The following TTC5 variants were observed in gnomAD, a reference collection of about 807,000 sequenced individuals.
TTC5 encodes the protein tetratricopeptide repeat domain 5.
A neutral mutation model predicts 57.4 loss-of-function variants in TTC5; 46 were observed. That is an observed-to-expected ratio of 0.80 (90% CI 0.63 to 1.03). The LOEUF (loss-of-function observed/expected upper bound fraction) is 1.03. Among genes scored for constraint, TTC5 ranks in the 50% least tolerant of loss-of-function variants. The pLI is 0.00. For missense variants in TTC5, 504 were observed against 528.1 expected, an observed-to-expected ratio of 0.95 and a Z score of 0.45; for synonymous variants, 190 against 203.5, an observed-to-expected ratio of 0.93 and a Z score of 0.57.
chr14:20,295,315 G>A lies in TTC5; in HGVS notation c.1055C>T (p.Pro352Leu), dbSNP rs956525845. 2.5e-6 allele frequency: 4 copies of A among 1,614,030 alleles called. No homozygotes were observed. The highest frequency in any genetic ancestry group is 3.4e-6 in the Non-Finnish European group (4 of 1,179,922). ...GGGAAATCCAAGAGAAACTCACAAG[G>A]GGACTTTCTCCTCTGTGGTGAGGCT... Reference protein sequence around the residue: ...VFSLTTEEKVPFTFGLVDSDG... With the variant: ...VFSLTTEEKVLFTFGLVDSDG... Residue 352 changes from proline to leucine, a missense_variant, in exon 8 of 10, where the codon CCC (proline) becomes CTC (leucine). Coordinates refer to ENST00000258821, the MANE Select transcript of TTC5 (RefSeq NM_138376.3).
In TTC5 at chr14:20,287,899, C is replaced by G. The variant is rs1881870863; in HGVS notation, c.*1728G>C. ...TGACTCTAGGCCTCAAAATGACACC[C>G]AAAACTAATTTAAGACTCCATATGT... is the stretch of plus-strand genomic sequence containing the variant. On this transcript the variant is annotated 3_prime_UTR_variant, in exon 10 of 10. Transcript: ENST00000258821. The G allele has an allele frequency of 6.6e-6, 1 of 152,134 alleles. No individual in the cohort carries two copies. The highest frequency in any genetic ancestry group is 6.5e-5 in the Admixed American group (1 of 15,276). 9.4% of individuals were successfully genotyped at this position (152,134 alleles called of 1,614,324 possible). A position where few individuals can be genotyped will look rare whatever the true frequency, so the allele number is the denominator to read the frequency against.
Position 20,295,433 on chromosome 14 carries a change from A to C in TTC5, c.937T>G (p.Ser313Ala). 6.2e-7 allele frequency: 1 copy of C among 1,614,190 alleles called. No individual in the cohort carries two copies. The highest frequency in any genetic ancestry group is 8.5e-7 in the Non-Finnish European group (1 of 1,180,028). Reference protein sequence around the residue: ...PCSDGHYQSASGQKVTLELKP... With the variant: ...PCSDGHYQSAAGQKVTLELKP... ...AGCTCCAGGGTCACTTTCTGCCCAG[A>C]GGCTGACTGATAGTGCCCATCACTG... The change falls in exon 8 of 10, where the codon TCT becomes GCT. Residue 313 changes from serine to alanine, a missense_variant. By Grantham distance (99) the Ser-to-Ala change is moderately conservative (BLOSUM62 1). Coordinates refer to ENST00000258821, the MANE Select transcript of TTC5 (RefSeq NM_138376.3).
At chr14:20,304,900 AT>A (rs1459482414) in intron 1 of TTC5, among the ~76,000 whole-genome samples, 2 of 152,210 alleles carry the variant, frequency 1.3e-5, no homozygotes, top group East Asian at 3.8e-4. Context: ...TAAAATTCAA[AT>A]AGATACATGT....
At chr14:20,304,879 A>G (rs1429568571) in intron 1 of TTC5, among the ~76,000 whole-genome samples, 1 of 152,236 alleles carries the variant, frequency 6.6e-6, no homozygotes, top group African/African-American at 2.4e-5. Context: ...AAATCAATAC[A>G]TGTAAGTTGT....
chr14:20,289,422 A>T lies in TTC5; in HGVS notation c.*205T>A. The T allele has an allele frequency of 2.2e-6, 1 of 448,102 alleles. No homozygotes were observed. Among genetic ancestry groups the T allele is most frequent in the Non-Finnish European group, 3.9e-6 (1 of 257,828 alleles). 27.8% of individuals were successfully genotyped at this position (448,102 alleles called of 1,614,324 possible). A position where few individuals can be genotyped will look rare whatever the true frequency, so the allele number is the denominator to read the frequency against. On this transcript the variant is annotated 3_prime_UTR_variant, in exon 10 of 10. Coordinates refer to ENST00000258821, the MANE Select transcript of TTC5 (RefSeq NM_138376.3). ...GGAAGAGACAGGAGAGATATGCCAG[A>T]AGAGTATGTGGCCCTGTAGAGAGCT...
At chr14:20,300,896 A>C in intron 2 of TTC5, 78 bp from the exon 3 acceptor site, 1 of 1,138,100 alleles carries the variant, frequency 8.8e-7, no homozygotes, top group Non-Finnish European at 1.3e-6. Flanking sequence ...AAATAACTAC[A>C]CGTCAGTTTT....
chr14:20,287,458 A>G lies in TTC5; in HGVS notation c.*2169T>C, dbSNP rs1250164143. 6.6e-6 allele frequency: 1 copy of G among 152,278 alleles called. No homozygotes were observed. The highest frequency in any genetic ancestry group is 2.4e-5 in the African/African-American group (1 of 41,474). 9.4% of individuals were successfully genotyped at this position (152,278 alleles called of 1,614,324 possible). ...CCAAATATCCTTTAACAACAGGATG[A>G]ATAAATTATGGTATAATCATACAAT... is the stretch of plus-strand genomic sequence containing the variant. On this transcript the variant is annotated 3_prime_UTR_variant, in exon 10 of 10. Transcript: ENST00000258821.
At chr14:20,302,739 C>T (rs759000198) in intron 1 of TTC5, among the ~76,000 whole-genome samples, 6 of 152,138 alleles carry the variant, frequency 3.9e-5, no homozygotes, top group Non-Finnish European at 8.8e-5. Flanking sequence ...AAATCTGAAA[C>T]TTTTGAAACG....
intron 1 of TTC5, among the ~76,000 whole-genome samples, chr14:20,303,580 T>C (rs189584059): frequency 6.6e-6 from 1 of 152,220 alleles, no homozygotes; most frequent in Admixed American, 6.5e-5. Flanking sequence ...TCAGCTTCAT[T>C]ACTTGCCTGG....
In TTC5 at chr14:20,299,348, C is replaced by T. The variant is rs569057918; in HGVS notation, c.497G>A (p.Arg166Gln). 34 of 1,614,144 alleles carry T rather than the reference C, an allele frequency of 2.1e-5. No individual in the cohort carries two copies. In the South Asian group the frequency reaches 2.9e-4, roughly 14 times the overall value. The stretch of plus-strand genomic sequence containing the variant: ...CATCTGAACAGCCAACTTAGCCTGT[C>T]GGACACTGTCCATGACATGGTGAGA... ...EHSHHVMDSV[R>Q]QAKLAVQMDV... The change falls in exon 4 of 10, where the codon CGA (arginine) becomes CAA (glutamine). Residue 166 changes from arginine (R) to glutamine (Q), a missense_variant. Transcript: ENST00000258821.
chr14:20,300,373 G>C (rs1231732734), intron 3 of TTC5: 1 of 496,592 alleles, frequency 2.0e-6, no homozygotes, highest in Non-Finnish European at 3.5e-6. Context: ...TTAGCTGCTA[G>C]CTTTTCTTCA....
At chr14:20,302,057 A>C in intron 1 of TTC5, 92 bp from the exon 2 acceptor site, 1 of 1,397,030 alleles carries the variant, frequency 7.2e-7, no homozygotes, top group South Asian at 1.2e-5. Flanking sequence ...TGGTCTAGAA[A>C]TACCAATTCT....
intron 8 of TTC5, chr14:20,293,006 A>C (rs1881990459): frequency 6.6e-6 from 1 of 152,214 alleles, no homozygotes; most frequent in South Asian, 2.1e-4. Context: ...GATATTTTCC[A>C]TTTGTTAAAA....
intron 1 of TTC5, among the ~76,000 whole-genome samples, chr14:20,303,493 T>C (rs1321685401): frequency 1.3e-5 from 2 of 152,084 alleles, no homozygotes; most frequent in African/African-American, 2.4e-5. Context: ...TCCCTTCGAG[T>C]GTAATCAACA....
In TTC5 at chr14:20,298,849, G is replaced by C; in HGVS notation, c.587C>G (p.Thr196Ser). The C allele has an allele frequency of 6.2e-7, 1 of 1,613,976 alleles. No individual in the cohort carries two copies. The highest frequency in any genetic ancestry group is 8.5e-7 in the Non-Finnish European group (1 of 1,179,850). ...CTGGGAGATCTTAGGGTTCTGGCCA[G>C]TAGAGAAGTAAAGGGAAAGATATGA... ...GNSYLSLYFS[T>S]GQNPKISQQA... The change falls in exon 5 of 10, where the codon ACT becomes AGT. Residue 196 changes from threonine to serine, a missense_variant. Physicochemically the swap from Thr to Ser is moderately conservative, Grantham distance 58. Transcript: ENST00000258821.
At chr14:20,297,689 C>T (rs1358217685) in intron 5 of TTC5, among the ~76,000 whole-genome samples, 1 of 151,742 alleles carries the variant, frequency 6.6e-6, no homozygotes. Flanking sequence ...AGGAGACTCA[C>T]TTGAACCTGG....
intron 9 of TTC5, among the ~76,000 whole-genome samples, chr14:20,290,687 T>C (rs1429045609): frequency 6.6e-6 from 1 of 152,204 alleles, no homozygotes; most frequent in Non-Finnish European, 1.5e-5. Flanking sequence ...GGAGTCTACA[T>C]TAGAAATTCA....
chr14:20,294,428 C>T (rs925192423), intron 8 of TTC5: 2 of 152,260 alleles, frequency 1.3e-5, no homozygotes, highest in African/African-American at 4.8e-5. Flanking sequence ...CCCTTCAACT[C>T]GTCAAATATA....
chr14:20,302,910 A>G lies in TTC5; in HGVS notation c.52-945T>C, dbSNP rs970177691. Reference sequence around the variant, plus strand: ...ATTTTTTTTTTTTCTTTTTTAAAAGACAGGGTCACCAGGCGTGGTGGCTCA... The same window carrying G: ...ATTTTTTTTTTTTCTTTTTTAAAAGGCAGGGTCACCAGGCGTGGTGGCTCA... On this transcript the variant is annotated intron_variant, in intron 1 of 9. Coordinates refer to ENST00000258821, the MANE Select transcript of TTC5 (RefSeq NM_138376.3). Among the ~76,000 whole-genome samples, 6 of 152,170 alleles carry G rather than the reference A, an allele frequency of 3.9e-5. No individual in the cohort carries two copies. The Middle Eastern group carries it at 0.02, about 518-fold the overall frequency.
Sources: gnomAD v4.1 joint callset for allele counts (sites outside exome capture counted in the v4.1 genomes callset) on GRCh38, gnomAD v4.1.1 for gene constraint, MANE v1.5 for transcripts, NCBI Gene and HGNC (gene_info 2026-07-23, HGNC 2026-07-21) for gene names.